The following SHB variants were observed in gnomAD, a reference collection of about 807,000 sequenced individuals.
The protein encoded by SHB is SH2 domain containing adaptor protein B, also known as SH2 domain-containing adapter protein B.
SHB carries 20 observed loss-of-function variants against 52.3 expected under a neutral mutation model. The observed-to-expected ratio is 0.38, with a 90% CI of 0.27 to 0.56. The LOEUF (loss-of-function observed/expected upper bound fraction) is 0.56. SHB is among the 20% of genes least tolerant of loss of function. The probability of loss-of-function intolerance (pLI) is 0.71; values close to 1 mark genes in which losing one functional copy is unlikely to be tolerated. For synonymous variants in SHB, 397 were observed against 316.5 expected (o/e 1.25, Z -2.70); for missense variants, 825 against 723.3 (o/e 1.14, Z -1.61).
intron 1 of SHB, among the ~76,000 whole-genome samples, chr9:38,057,527 G>A (rs532323831): frequency 6.6e-6 from 1 of 152,194 alleles, no homozygotes; most frequent in Non-Finnish European, 1.5e-5. Flanking sequence ...CCTTTCTGAG[G>A]AACCGGCTCA....
At position 37,948,707 on chromosome 9, in the gene SHB, C is replaced by T. The variant is rs1178074963; in HGVS notation, c.1274G>A (p.Arg425Gln). The T allele has an allele frequency of 1.5e-5, 25 of 1,613,814 alleles. No individual in the cohort carries two copies. Among genetic ancestry groups the T allele is most frequent in the African/African-American group, 2.7e-5 (2 of 74,908 alleles). The part of the protein sequence containing the change: ...ISRGDAENLL[R>Q]LCKECSYLVR... ...AAGGTAGCTACACTCCTTGCAGAGT[C>T]GCAGCAGGTTCTCGGCGTCTCCTCT... Residue 425 changes from arginine (R) to glutamine (Q), a missense_variant, in exon 5 of 6, where the codon CGA becomes CAA. By Grantham distance (43) the Arg-to-Gln change is conservative. Transcript: ENST00000377707.
intron 1 of SHB, among the ~76,000 whole-genome samples, chr9:38,024,884 T>G (rs1236391423): frequency 1.3e-5 from 2 of 152,168 alleles, no homozygotes; most frequent in Non-Finnish European, 2.9e-5. Flanking sequence ...TCTCAAACTC[T>G]TGTGTGTGCA....
At chr9:38,029,277 C>T (rs1821384587) in intron 1 of SHB, among the ~76,000 whole-genome samples, 1 of 152,194 alleles carries the variant, frequency 6.6e-6, no homozygotes, top group South Asian at 2.1e-4. Flanking sequence ...GGCCATTTCT[C>T]TCCAGGGCAA....
Position 37,946,365 on chromosome 9 carries a change from C to T in SHB, c.1346+2270G>A, listed in dbSNP as rs144838777. On this transcript the variant is annotated intron_variant, in intron 5 of 5. Coordinates refer to ENST00000377707, the MANE Select transcript of SHB (RefSeq NM_003028.3). Reference sequence around the variant, plus strand: ...CCCTCTGAGCCCCACTGTGAGCTGACATCTGGGCCTGCTTTTATAACTGAG... The same window carrying T: ...CCCTCTGAGCCCCACTGTGAGCTGATATCTGGGCCTGCTTTTATAACTGAG... Among the ~76,000 whole-genome samples the T allele has an allele frequency of 2.0e-3, 300 of 152,360 alleles. 1 individual carries two copies. The highest frequency in any genetic ancestry group is 6.9e-3 in the African/African-American group (288 of 41,582).
intron 5 of SHB, among the ~76,000 whole-genome samples, chr9:37,929,613 T>C (rs753322907): frequency 6.6e-6 from 1 of 152,194 alleles, no homozygotes; most frequent in African/African-American, 2.4e-5. Flanking sequence ...CCAGAAGCCA[T>C]GGATGTGGCT....
At chr9:38,007,025 G>A (rs1821083295) in intron 2 of SHB, among the ~76,000 whole-genome samples, 1 of 152,196 alleles carries the variant, frequency 6.6e-6, no homozygotes, top group African/African-American at 2.4e-5. Context: ...TCATGGGTAG[G>A]CTACTGCCAC....
intron 5 of SHB, among the ~76,000 whole-genome samples, chr9:37,930,494 A>G (rs1018217312): frequency 6.6e-6 from 1 of 152,158 alleles, no homozygotes; most frequent in African/African-American, 2.4e-5. Flanking sequence ...TCTCATCCCG[A>G]GTCACCCCAT....
chr9:38,044,135 C>T (rs1461155429), intron 1 of SHB, among the ~76,000 whole-genome samples: 1 of 152,228 alleles, frequency 6.6e-6, no homozygotes, highest in African/African-American at 2.4e-5. Flanking sequence ...CTGCCTCTCT[C>T]TAGCACAAGG....
At chr9:37,990,896 A>T (rs762303717) in intron 2 of SHB, among the ~76,000 whole-genome samples, 1 of 152,258 alleles carries the variant, frequency 6.6e-6, no homozygotes, top group Non-Finnish European at 1.5e-5. Context: ...ATTAATGTAG[A>T]AAACTGTGTT....
In SHB at chr9:37,916,586, G is replaced by A. The variant is rs1020259024; in HGVS notation, c.*3235C>T. 6.6e-6 allele frequency among the ~76,000 whole-genome samples: 1 copy of A among 152,242 alleles called. No homozygotes were observed. Among genetic ancestry groups the A allele is most frequent in the Non-Finnish European group, 1.5e-5 (1 of 68,040 alleles). ...CCCTCCTGCTCACTCTCAGGCCACA[G>A]AGGGGCCCCGGCCCACAGCCGCCCT... On this transcript the variant is annotated 3_prime_UTR_variant, in exon 6 of 6. Transcript: ENST00000377707.
intron 2 of SHB, among the ~76,000 whole-genome samples, chr9:37,978,335 G>C (rs1820678685): frequency 6.6e-6 from 1 of 152,154 alleles, no homozygotes; most frequent in African/African-American, 2.4e-5. Context: ...GTTAGGGCAG[G>C]GGATGTTATA....
intron 5 of SHB, among the ~76,000 whole-genome samples, chr9:37,933,960 G>C (rs767324215): frequency 3.3e-5 from 5 of 152,204 alleles, no homozygotes; most frequent in Non-Finnish European, 7.3e-5. Context: ...GTGCCCCTGG[G>C]GCAGAATTTC....
chr9:38,067,588 G>A (rs1404128790), intron 1 of SHB, among the ~76,000 whole-genome samples: 2 of 152,186 alleles, frequency 1.3e-5, no homozygotes, highest in East Asian at 1.9e-4. Flanking sequence ...GGTGTCAGGA[G>A]TCAAAGCTCT....
At chr9:37,948,182 G>A (rs573168338) in intron 5 of SHB, among the ~76,000 whole-genome samples, 2 of 152,318 alleles carry the variant, frequency 1.3e-5, no homozygotes, top group South Asian at 4.1e-4. Flanking sequence ...TGCTCACAGT[G>A]GCAGAGAGTC....
intron 1 of SHB, among the ~76,000 whole-genome samples, chr9:38,025,784 T>C (rs549033358): frequency 6.6e-6 from 1 of 152,218 alleles, no homozygotes; most frequent in Non-Finnish European, 1.5e-5. Flanking sequence ...GTCTGGGTCT[T>C]GCCCAGGGTC....
At chr9:37,994,770 C>T (rs542360494) in intron 2 of SHB, among the ~76,000 whole-genome samples, 3 of 152,286 alleles carry the variant, frequency 2.0e-5, no homozygotes, top group Non-Finnish European at 4.4e-5. Context: ...ACCAGTCAAT[C>T]GGTTTATGTC....
intron 3 of SHB, among the ~76,000 whole-genome samples, chr9:37,968,323 C>CAG (rs1820553714): frequency 6.6e-6 from 1 of 152,170 alleles, no homozygotes; most frequent in Non-Finnish European, 1.5e-5. Context: ...GGAGACTGAA[C>CAG]AGTCTGTCTC....
At chr9:37,980,251 T>A (rs112625476) in intron 2 of SHB, among the ~76,000 whole-genome samples, 5 of 152,268 alleles carry the variant, frequency 3.3e-5, no homozygotes, top group African/African-American at 1.2e-4. Flanking sequence ...AGTCAATCTT[T>A]TCAAACTCTG....
chr9:38,013,198 C>G (rs1224263457), intron 2 of SHB, among the ~76,000 whole-genome samples: 1 of 152,218 alleles, frequency 6.6e-6, no homozygotes, highest in African/African-American at 2.4e-5. Context: ...AAACACAGAG[C>G]AGCATATGCT....
Sources: gnomAD v4.1 joint callset for allele counts (sites outside exome capture counted in the v4.1 genomes callset) on GRCh38, gnomAD v4.1.1 for gene constraint, MANE v1.5 for transcripts, NCBI Gene and HGNC (gene_info 2026-07-23, HGNC 2026-07-21) for gene names.